ANKIB1: variants seen among roughly 807,000 people sequenced by gnomAD.
ANKIB1 encodes the protein ankyrin repeat and IBR domain-containing protein 1.
ANKIB1 carries 43 observed loss-of-function variants against 122.1 expected under a neutral mutation model. The observed-to-expected ratio is 0.35, with a 90% CI of 0.28 to 0.45. The LOEUF is 0.45. ANKIB1 is among the 20% of genes least tolerant of loss of function. The pLI is 1.00. For synonymous variants in ANKIB1, 390 were observed against 442.0 expected, an observed-to-expected ratio of 0.88 and a Z score of 1.48; for missense variants, 992 against 1,329.5, an observed-to-expected ratio of 0.75 and a Z score of 3.95.
chr7:92,250,064 T>A (rs1397406222), intron 1 of ANKIB1, among the ~76,000 whole-genome samples: 2 of 152,174 alleles, frequency 1.3e-5, no homozygotes, highest in African/African-American at 4.8e-5. Context: ...AGAAAAATCC[T>A]AATTTCATAA....
At chr7:92,361,593 G>T (rs1803945809) in intron 9 of ANKIB1, among the ~76,000 whole-genome samples, 1 of 152,016 alleles carries the variant, frequency 6.6e-6, no homozygotes, top group African/African-American at 2.4e-5. Context: ...ATGTTTTAAA[G>T]CTCTGAAGGC....
At chr7:92,286,266 C>T (rs1802120943) in intron 1 of ANKIB1, among the ~76,000 whole-genome samples, 1 of 152,074 alleles carries the variant, frequency 6.6e-6, no homozygotes, top group South Asian at 2.1e-4. Flanking sequence ...CTCTTCTCAC[C>T]ATCAGGGAAA....
chr7:92,253,241 G>A (rs1040637281), intron 1 of ANKIB1, among the ~76,000 whole-genome samples: 1 of 152,146 alleles, frequency 6.6e-6, no homozygotes, highest in Admixed American at 6.5e-5. Context: ...CTTTGCATTA[G>A]CCTGAATATA....
intron 5 of ANKIB1, among the ~76,000 whole-genome samples, chr7:92,342,156 A>C (rs1268930224): frequency 6.6e-6 from 1 of 152,152 alleles, no homozygotes; most frequent in African/African-American, 2.4e-5. Context: ...TAGTCTTCTC[A>C]GAAATAGTGT....
At chr7:92,268,076 T>A (rs906578170) in intron 1 of ANKIB1, among the ~76,000 whole-genome samples, 1 of 152,172 alleles carries the variant, frequency 6.6e-6, no homozygotes, top group Non-Finnish European at 1.5e-5. Flanking sequence ...ATTCTTTCTG[T>A]GTACTTTTGT....
intron 1 of ANKIB1, among the ~76,000 whole-genome samples, chr7:92,256,671 A>G (rs1585073596): frequency 6.6e-6 from 1 of 152,194 alleles, no homozygotes; most frequent in Admixed American, 6.5e-5. Flanking sequence ...TACAAAGCCC[A>G]TATTCTTTCT....
At chr7:92,265,582 A>T (rs566458031) in intron 1 of ANKIB1, among the ~76,000 whole-genome samples, 4 of 152,296 alleles carry the variant, frequency 2.6e-5, no homozygotes, top group African/African-American at 9.6e-5. Context: ...TGGAAAATAG[A>T]TTGTAGTGAT....
chr7:92,335,377 C>G (rs1039976483), intron 5 of ANKIB1, among the ~76,000 whole-genome samples: 1 of 151,820 alleles, frequency 6.6e-6, no homozygotes, highest in African/African-American at 2.4e-5. Context: ...TCATAGTGTT[C>G]TATAAATGTT....
At chr7:92,351,716 T>G (rs916653000) in intron 8 of ANKIB1, among the ~76,000 whole-genome samples, 1 of 150,130 alleles carries the variant, frequency 6.7e-6, no homozygotes. Context: ...TCCTTTTTTT[T>G]TTTGTTTTTT....
chr7:92,297,128 T>C (rs1802372258), intron 2 of ANKIB1, among the ~76,000 whole-genome samples: 1 of 152,214 alleles, frequency 6.6e-6, no homozygotes. Context: ...GAATCCTCAT[T>C]ACAATTTTAT....
chr7:92,388,004 A>G lies in ANKIB1; in HGVS notation c.1869A>G (p.Lys623=), dbSNP rs749267701. Residue 623 remains lysine, a synonymous_variant, in exon 14 of 20, where the codon AAA becomes AAG. Transcript: ENST00000265742. Reference sequence around the variant, plus strand: ...AACAACGCCTTCTTAAAACAGCCAAAGAAAAGATGGAGCAATTGAGCAGAG... The same window carrying G: ...AACAACGCCTTCTTAAAACAGCCAAGGAAAAGATGGAGCAATTGAGCAGAG... ...QLEQRLLKTA[K]EKMEQLSRAL... is the part of the protein sequence containing the mutation. The G allele has an allele frequency of 1.3e-6, 2 of 1,581,042 alleles. No individual in the cohort carries two copies. Among genetic ancestry groups the G allele is most frequent in the Non-Finnish European group, 1.7e-6 (2 of 1,162,322 alleles).
At chr7:92,337,247 T>C (rs1434062793) in intron 5 of ANKIB1, among the ~76,000 whole-genome samples, 1 of 152,220 alleles carries the variant, frequency 6.6e-6, no homozygotes, top group Non-Finnish European at 1.5e-5. Context: ...AGGAAATAGA[T>C]TGTTGCAATG....
chr7:92,251,156 C>T (rs1346328889), intron 1 of ANKIB1, among the ~76,000 whole-genome samples: 4 of 152,122 alleles, frequency 2.6e-5, no homozygotes, highest in Non-Finnish European at 5.9e-5. Context: ...GGTAGAATTC[C>T]TGTTCAAGGA....
intron 1 of ANKIB1, among the ~76,000 whole-genome samples, chr7:92,275,183 C>G (rs916776493): frequency 6.6e-6 from 1 of 152,106 alleles, no homozygotes; most frequent in Non-Finnish European, 1.5e-5. Context: ...CTTGTTTCCT[C>G]TCATTCTTTT....
chr7:92,321,888 G>C (rs1319173149), intron 4 of ANKIB1, among the ~76,000 whole-genome samples: 2 of 152,184 alleles, frequency 1.3e-5, no homozygotes, highest in Non-Finnish European at 2.9e-5. Flanking sequence ...GAAGGCCTAT[G>C]CCCTAAGCGT....
intron 9 of ANKIB1, among the ~76,000 whole-genome samples, chr7:92,358,425 T>C (rs1422567472): frequency 6.6e-6 from 1 of 152,220 alleles, no homozygotes; most frequent in Non-Finnish European, 1.5e-5. Flanking sequence ...AAGCAGCAAG[T>C]CTGTGTCCTC....
At chr7:92,380,001 C>A (rs1050153417) in intron 11 of ANKIB1, among the ~76,000 whole-genome samples, 3 of 152,168 alleles carry the variant, frequency 2.0e-5, no homozygotes, top group African/African-American at 7.2e-5. Flanking sequence ...CCAAGAGAAG[C>A]CATGACAGGC....
chr7:92,246,698 T>A (rs1344972636), intron 1 of ANKIB1, among the ~76,000 whole-genome samples, 179 bp downstream of exon 1: 1 of 152,252 alleles, frequency 6.6e-6, no homozygotes, highest in Non-Finnish European at 1.5e-5. Context: ...TTCTCTGCCC[T>A]ACAGGGCTTT....
At position 92,314,246 on chromosome 7, in the gene ANKIB1, C is replaced by T. The variant is rs141950166; in HGVS notation, c.487-5084C>T. Among the ~76,000 whole-genome samples, 967 of 150,958 alleles carry T rather than the reference C, an allele frequency of 6.4e-3. 10 individuals carry two copies. Among genetic ancestry groups the T allele is most frequent in the South Asian group, 0.03 (143 of 4,776 alleles). ...CCAGGAGGTGGAGGCTACAGTGAGC[C>T]GTGATCATGCTACTGTACTCCAGCC... On this transcript the variant is annotated intron_variant, in intron 3 of 19. Transcript: ENST00000265742.
Sources: allele counts gnomAD v4.1 joint callset (sites outside exome capture counted in the v4.1 genomes callset), GRCh38; gene constraint gnomAD v4.1.1; transcripts MANE v1.5; gene names NCBI Gene and HGNC (gene_info 2026-07-23, HGNC 2026-07-21).